Variants in DPP10 observed in about 807,000 individuals in gnomAD.
DPP10 encodes the protein inactive dipeptidyl peptidase 10.
A neutral mutation model predicts 120.9 loss-of-function variants in DPP10; 33 were observed. That is an observed-to-expected ratio of 0.27 (90% confidence interval 0.21 to 0.37). DPP10 has a LOEUF of 0.37. Among genes scored for constraint, DPP10 ranks in the 10% least tolerant of loss-of-function variants. The pLI, the probability that DPP10 is intolerant of heterozygous loss-of-function variation, is 1.00. For synonymous variants in DPP10, 337 were observed against 326.1 expected (o/e 1.03, Z -0.36); for missense variants, 816 against 942.8 (o/e 0.87, Z 1.76).
intron 3 of DPP10, among the ~76,000 whole-genome samples, chr2:115,499,244 A>G (rs1255478391): frequency 6.6e-6 from 1 of 152,078 alleles, no homozygotes; most frequent in Non-Finnish European, 1.5e-5. Flanking sequence ...CAGACTGCCC[A>G]TATTTTAATT....
At chr2:115,830,713 T>C (rs80165973) in intron 21 of DPP10, among the ~76,000 whole-genome samples, 1,961 of 151,626 alleles carry the variant, frequency 0.013, 44 homozygotes, top group African/African-American at 0.043. Context: ...AGGATTAGAG[T>C]GAATGTGGCC....
chr2:115,407,799 A>G (rs1279916063), intron 3 of DPP10, among the ~76,000 whole-genome samples: 1 of 152,174 alleles, frequency 6.6e-6, no homozygotes, highest in Non-Finnish European at 1.5e-5. Flanking sequence ...TGGAGGATGC[A>G]TATGACGGGA....
At chr2:115,140,067 AAGAAG>A (rs779025701) in intron 1 of DPP10, among the ~76,000 whole-genome samples, 3 of 152,244 alleles carry the variant, frequency 2.0e-5, no homozygotes, top group Non-Finnish European at 4.4e-5. Flanking sequence ...TATATATTAC[AAGAAG>A]AGAAGAGAGA....
chr2:115,582,551 G>A (rs1385402740), intron 5 of DPP10, among the ~76,000 whole-genome samples: 1 of 152,138 alleles, frequency 6.6e-6, no homozygotes, highest in African/African-American at 2.4e-5. Context: ...TTCTGGGAGT[G>A]ATGCTCTCTT....
intron 1 of DPP10, among the ~76,000 whole-genome samples, chr2:114,676,802 A>G (rs898009346): frequency 3.3e-5 from 5 of 152,092 alleles, no homozygotes; most frequent in Admixed American, 1.3e-4. Flanking sequence ...CTTTCCCGCA[A>G]GACTAGATCG....
intron 1 of DPP10, among the ~76,000 whole-genome samples, chr2:114,543,073 G>A (rs915637923): frequency 6.6e-6 from 1 of 152,152 alleles, no homozygotes; most frequent in African/African-American, 2.4e-5. Flanking sequence ...CCTGCTAGAG[G>A]CTTTTTCCAT....
intron 7 of DPP10, among the ~76,000 whole-genome samples, chr2:115,723,625 T>TC (rs908516288): frequency 6.6e-6 from 1 of 150,548 alleles, no homozygotes; most frequent in Non-Finnish European, 1.5e-5. Context: ...GTTTTTTGTT[T>TC]TTTTTTTTTT....
chr2:115,474,293 G>T (rs2105206017), intron 3 of DPP10, among the ~76,000 whole-genome samples: 1 of 152,274 alleles, frequency 6.6e-6, no homozygotes, highest in South Asian at 2.1e-4. Flanking sequence ...GCATTCATAT[G>T]ATAAGAGAAG....
intron 3 of DPP10, among the ~76,000 whole-genome samples, chr2:115,444,192 T>G (rs2072351074): frequency 6.6e-6 from 1 of 152,186 alleles, no homozygotes; most frequent in Non-Finnish European, 1.5e-5. Context: ...CAAGTTCTGG[T>G]CATTTTAGTC....
At chr2:114,715,867 C>T (rs1404918103) in intron 1 of DPP10, among the ~76,000 whole-genome samples, 6 of 151,640 alleles carry the variant, frequency 4.0e-5, no homozygotes, top group Non-Finnish European at 7.4e-5. Flanking sequence ...AATCAAAGTA[C>T]TTTGTCTTAT....
At chr2:114,969,131 A>G (rs2104774725) in intron 1 of DPP10, among the ~76,000 whole-genome samples, 1 of 152,346 alleles carries the variant, frequency 6.6e-6, no homozygotes, top group East Asian at 1.9e-4. Flanking sequence ...ATCATCTGAT[A>G]GGTAAAACCC....
At chr2:115,656,133 AACACACACACACACACACAC>A (rs146572509) in intron 5 of DPP10, among the ~76,000 whole-genome samples, 1 of 143,228 alleles carries the variant, frequency 7.0e-6, no homozygotes, top group African/African-American at 2.6e-5. Flanking sequence ...GTTCTTACCA[AACACACACACACACACACAC>A]ACACACACAC....
At chr2:114,710,117 T>C (rs1454756754) in intron 1 of DPP10, among the ~76,000 whole-genome samples, 1 of 152,226 alleles carries the variant, frequency 6.6e-6, no homozygotes, top group Non-Finnish European at 1.5e-5. Context: ...ATAGAATAGA[T>C]GTTGACAAAC....
chr2:115,840,877 A>T, intron 25 of DPP10, 54 bp downstream of exon 25: 1 of 1,457,808 alleles, frequency 6.9e-7, no homozygotes, highest in Non-Finnish European at 9.6e-7. Flanking sequence ...TTCACTTGTG[A>T]GATACGCAAC....
rs951374563 is a variant in DPP10, at chr2:114,643,867, T to TTG, written c.60+201041_60+201042dup. ...CTAAACCCACTTGATTAGTGTGTGT[T>TTG]TGTGTGTGTGTGTATGTGTGTGTGT... is the stretch of plus-strand genomic sequence containing the variant. On this transcript the variant is annotated intron_variant, in intron 1 of 25. Coordinates refer to ENST00000410059, the MANE Select transcript of DPP10 (RefSeq NM_020868.6). Among the ~76,000 whole-genome samples the TTG allele has an allele frequency of 4.5e-4, 67 of 149,942 alleles. 1 individual carries two copies. Among genetic ancestry groups the TTG allele is most frequent in the African/African-American group, 1.4e-3 (57 of 40,628 alleles).
chr2:115,426,612 C>T (rs941009389), intron 3 of DPP10, among the ~76,000 whole-genome samples: 11 of 149,546 alleles, frequency 7.4e-5, no homozygotes, highest in South Asian at 2.2e-4. Context: ...GACATTTCAA[C>T]ATGAGATTCT....
At chr2:115,690,632 C>G (rs760577890) in intron 7 of DPP10, among the ~76,000 whole-genome samples, 7 of 152,194 alleles carry the variant, frequency 4.6e-5, no homozygotes, top group South Asian at 2.1e-4. Flanking sequence ...AGGCTGATCT[C>G]AAACTCCTGA....
chr2:115,104,290 C>G, intron 1 of DPP10, among the ~76,000 whole-genome samples: 1 of 148,928 alleles, frequency 6.7e-6, no homozygotes, highest in East Asian at 2.0e-4. Flanking sequence ...AAGCAATCCT[C>G]CTGCCTAAGC....
intron 3 of DPP10, among the ~76,000 whole-genome samples, chr2:115,393,153 G>T (rs980910990): frequency 4.6e-5 from 7 of 151,790 alleles, no homozygotes; most frequent in Admixed American, 3.9e-4. Flanking sequence ...TCTCTACTAA[G>T]ATTACAAAAA....
Sources: gnomAD v4.1 joint callset for allele counts (sites outside exome capture counted in the v4.1 genomes callset) on GRCh38, gnomAD v4.1.1 for gene constraint, MANE v1.5 for transcripts, NCBI Gene and HGNC (gene_info 2026-07-23, HGNC 2026-07-21) for gene names.